Variants in SIGLEC5 observed in about 807,000 individuals in gnomAD.
The protein encoded by SIGLEC5 is sialic acid-binding Ig-like lectin 5.
Under a neutral mutation model 45.9 loss-of-function variants are expected in SIGLEC5, and 34 were observed. That is an observed-to-expected ratio of 0.74 (90% CI 0.56 to 0.99). The LOEUF is 0.99. Among genes scored for constraint, SIGLEC5 ranks in the 50% least tolerant of loss-of-function variants. The pLI is 0.00. For missense variants in SIGLEC5, 508 were observed against 629.6 expected (o/e 0.81, Z 2.07); for synonymous variants, 203 against 258.6 (o/e 0.79, Z 2.06).
intron 8 of SIGLEC5, among the ~76,000 whole-genome samples, chr19:51,624,149 A>G (rs1017539629): frequency 6.6e-6 from 1 of 152,124 alleles, no homozygotes; most frequent in Non-Finnish European, 1.5e-5. Context: ...ATGGAGTCAG[A>G]CCCTGTCTCA....
chr19:51,615,409 C>G (rs952926552), intron 8 of SIGLEC5, among the ~76,000 whole-genome samples: 2 of 152,188 alleles, frequency 1.3e-5, no homozygotes, highest in Admixed American at 1.3e-4. Context: ...TCCTTTCTCT[C>G]CTCTACCCTT....
At chr19:51,613,418 A>G (rs990991616) in intron 8 of SIGLEC5, among the ~76,000 whole-genome samples, 4 of 152,128 alleles carry the variant, frequency 2.6e-5, no homozygotes, top group Non-Finnish European at 4.4e-5. Flanking sequence ...ACATTTATCA[A>G]TTCATCCTTT....
chr19:51,627,281 C>T, intron 6 of SIGLEC5, 33 bp from the exon 7 acceptor site: 1 of 1,598,990 alleles, frequency 6.3e-7, no homozygotes, highest in Non-Finnish European at 8.6e-7. Context: ...ATAACTCACT[C>T]CCAGGACTCA....
rs755875197 is a variant in SIGLEC5 at position 51,629,115 on chromosome 19, G to A, written c.701-39C>T. The A allele has an allele frequency of 1.1e-5, 18 of 1,607,886 alleles. No individual in the cohort carries two copies. The South Asian group carries it at 1.8e-4, about 16-fold the overall frequency. On this transcript the variant is annotated intron_variant, in intron 3 of 8. Transcript: ENST00000683636. Reference sequence around the variant, plus strand: ...ATATAAACTTGGCTTCAGCAGTGAGGAGTGAGATGGGCATGGGCCCAGGAG... The same window carrying A: ...ATATAAACTTGGCTTCAGCAGTGAGAAGTGAGATGGGCATGGGCCCAGGAG...
At chr19:51,621,981 A>T (rs1289456243) in intron 8 of SIGLEC5, among the ~76,000 whole-genome samples, 1 of 152,230 alleles carries the variant, frequency 6.6e-6, no homozygotes, top group African/African-American at 2.4e-5. Context: ...TATTTAAAGG[A>T]ATAGAGAGAG....
chr19:51,616,868 G>T (rs1983074930), intron 8 of SIGLEC5, among the ~76,000 whole-genome samples: 1 of 118,176 alleles, frequency 8.5e-6, no homozygotes, highest in African/African-American at 3.3e-5. Flanking sequence ...CCGAGATTGT[G>T]CCACTGCACT....
rs145738554 is a variant in SIGLEC5 at position 51,623,625 on chromosome 19, G to C, written c.1464+2407C>G. Among the ~76,000 whole-genome samples, 9 of 152,252 alleles carry C rather than the reference G, an allele frequency of 5.9e-5. No homozygotes were observed. In the East Asian group the frequency reaches 1.7e-3, roughly 29 times the overall value. On this transcript the variant is annotated intron_variant, in intron 8 of 8. Transcript: ENST00000683636. ...TAGCCTCCAAAACTGAGAAAAGCAAGTTGGAGAGATTACAGAACAACAAGA... is the reference window on the plus strand; with the variant it reads ...TAGCCTCCAAAACTGAGAAAAGCAACTTGGAGAGATTACAGAACAACAAGA...
chr19:51,612,448 C>T, intron 8 of SIGLEC5, 26 bp from the exon 9 acceptor site: 4 of 1,538,658 alleles, frequency 2.6e-6, no homozygotes, highest in South Asian at 1.2e-5. Context: ...GGAAAGGTGT[C>T]ACAGTAGGAA....
intron 8 of SIGLEC5, 95 bp downstream of exon 8, chr19:51,625,937 G>A: frequency 1.1e-6 from 1 of 905,612 alleles, no homozygotes; most frequent in Non-Finnish European, 1.8e-6. Flanking sequence ...GAACTCCCAG[G>A]TGATGAGGGA....
In SIGLEC5 at chr19:51,611,297, A is replaced by G. The variant is rs897176780; in HGVS notation, c.*934T>C. Reference sequence around the variant, plus strand: ...GAGGGAGAGTATAAGTTCTTTCTTCAGTCCACTCTTCCAACTCAAGACCAC... The same window carrying G: ...GAGGGAGAGTATAAGTTCTTTCTTCGGTCCACTCTTCCAACTCAAGACCAC... On this transcript the variant is annotated 3_prime_UTR_variant, in exon 9 of 9. Transcript: ENST00000683636. 2.0e-5 allele frequency among the ~76,000 whole-genome samples: 3 copies of G among 152,244 alleles called. No individual in the cohort carries two copies. Among genetic ancestry groups the G allele is most frequent in the Admixed American group, 6.5e-5 (1 of 15,284 alleles).
At chr19:51,628,670 G>A (rs192764024) in intron 4 of SIGLEC5, among the ~76,000 whole-genome samples, 24 of 150,924 alleles carry the variant, frequency 1.6e-4, no homozygotes, top group Non-Finnish European at 2.4e-4. Context: ...GCATGTGTGC[G>A]TGTGTATGTG....
chr19:51,616,066 G>A (rs555833956), intron 8 of SIGLEC5, among the ~76,000 whole-genome samples: 7 of 152,266 alleles, frequency 4.6e-5, no homozygotes, highest in East Asian at 1.9e-4. Flanking sequence ...GTGAGCCACC[G>A]TGCCCGGCGT....
At chr19:51,614,082 C>T (rs1982960450) in intron 8 of SIGLEC5, among the ~76,000 whole-genome samples, 1 of 152,190 alleles carries the variant, frequency 6.6e-6, no homozygotes, top group Non-Finnish European at 1.5e-5. Flanking sequence ...CACCTTCACC[C>T]ATATCCCTAC....
chr19:51,623,073 G>C (rs1378272693), intron 8 of SIGLEC5, among the ~76,000 whole-genome samples: 1 of 152,178 alleles, frequency 6.6e-6, no homozygotes, highest in African/African-American at 2.4e-5. Context: ...ATCAATGCTT[G>C]AGGGGCTGGG....
At chr19:51,614,410 A>T (rs1231908982) in intron 8 of SIGLEC5, among the ~76,000 whole-genome samples, 2 of 152,134 alleles carry the variant, frequency 1.3e-5, no homozygotes, top group East Asian at 1.9e-4. Flanking sequence ...GTGGGATTAC[A>T]GGTGTGAGCC....
intron 8 of SIGLEC5, among the ~76,000 whole-genome samples, chr19:51,625,236 G>T (rs892444093): frequency 6.6e-6 from 1 of 152,212 alleles, no homozygotes; most frequent in African/African-American, 2.4e-5. Context: ...CAGCAGGTCC[G>T]TATGGAGACA....
At chr19:51,629,331 C>G (rs767315729) in intron 3 of SIGLEC5, 27 bp downstream of exon 3, 2 of 1,613,538 alleles carry the variant, frequency 1.2e-6, no homozygotes, top group Admixed American at 1.7e-5. Context: ...CCCTTGAGGA[C>G]TCAGCTGTGT....
chr19:51,618,501 A>G (rs1983157196), intron 8 of SIGLEC5, among the ~76,000 whole-genome samples: 1 of 150,132 alleles, frequency 6.7e-6, no homozygotes, highest in African/African-American at 2.4e-5. Context: ...AGCAAAAAGC[A>G]TCATTATGAG....
At chr19:51,619,369 C>T (rs190778912) in intron 8 of SIGLEC5, among the ~76,000 whole-genome samples, 1,629 of 152,200 alleles carry the variant, frequency 0.011, 16 homozygotes, top group Non-Finnish European at 0.016. Context: ...TATGAGCCAC[C>T]GCACCCGGCT....
Sources: allele counts gnomAD v4.1 joint callset (sites outside exome capture counted in the v4.1 genomes callset), GRCh38; gene constraint gnomAD v4.1.1; transcripts MANE v1.5; gene names NCBI Gene and HGNC (gene_info 2026-07-23, HGNC 2026-07-21).